TSPAN12: variants seen among roughly 807,000 people sequenced by gnomAD.
TSPAN12 encodes the protein tetraspanin-12.
TSPAN12 carries 19 observed loss-of-function variants against 39.2 expected under a neutral mutation model. That is an observed-to-expected ratio of 0.49 (90% CI 0.34 to 0.71). The LOEUF (loss-of-function observed/expected upper bound fraction) is 0.71, where lower values mean the gene tolerates loss of function less well. Ranked by LOEUF, TSPAN12 falls within the 30% of genes least tolerant of loss-of-function variation. The pLI, the probability that TSPAN12 is intolerant of heterozygous loss-of-function variation, is 0.01. For synonymous variants in TSPAN12, 119 were observed against 124.8 expected (o/e 0.95, Z 0.31); for missense variants, 314 against 359.9 (o/e 0.87, Z 1.03).
chr7:120,800,842 A>G (rs1411750302), intron 7 of TSPAN12, among the ~76,000 whole-genome samples: 1 of 138,388 alleles, frequency 7.2e-6, no homozygotes, highest in East Asian at 2.3e-4. Context: ...TTCACCGCCT[A>G]GGTTCACCTC....
chr7:120,789,301 T>C (rs1448477443), intron 7 of TSPAN12, among the ~76,000 whole-genome samples: 3 of 152,160 alleles, frequency 2.0e-5, no homozygotes, highest in African/African-American at 7.2e-5. Context: ...AAAGCAGCCA[T>C]AGATGGTAAG....
At chr7:120,794,699 A>G (rs75293827) in intron 7 of TSPAN12, among the ~76,000 whole-genome samples, 5,955 of 152,324 alleles carry the variant, frequency 0.039, 445 homozygotes, top group East Asian at 0.31. Flanking sequence ...GTCATGCTGA[A>G]TATCAGTGAA....
chr7:120,840,491 CA>C (rs201691776), intron 2 of TSPAN12, among the ~76,000 whole-genome samples: 2 of 23,844 alleles, frequency 8.4e-5, no homozygotes, highest in South Asian at 3.6e-3. Context: ...TAAATATTGT[CA>C]AAAAAAGTCA....
At chr7:120,802,969 A>T (rs1266114602) in intron 7 of TSPAN12, among the ~76,000 whole-genome samples, 1 of 152,226 alleles carries the variant, frequency 6.6e-6, no homozygotes, top group Admixed American at 6.5e-5. Context: ...AGACTACTGA[A>T]GAATGATTGC....
Position 120,799,914 on chromosome 7 carries a change from T to A in TSPAN12, c.612+6635A>T, listed in dbSNP as rs1474174463. Among the ~76,000 whole-genome samples the A allele has an allele frequency of 4.2e-5, 6 of 143,704 alleles. No individual in the cohort carries two copies. In the East Asian group the frequency reaches 9.9e-4, roughly 24 times the overall value. 94.3% of individuals were successfully genotyped at this position (143,704 alleles called of 152,430 possible). A position where few individuals can be genotyped will look rare whatever the true frequency, so the allele number is the denominator to read the frequency against. Reference sequence around the variant, plus strand: ...TAATAAATATTTAATATATTTATTATATTAAATATTTATTATAATAGAATG... The same window carrying A: ...TAATAAATATTTAATATATTTATTAAATTAAATATTTATTATAATAGAATG... On this transcript the variant is annotated intron_variant, in intron 7 of 7. Coordinates refer to ENST00000222747, the MANE Select transcript of TSPAN12 (RefSeq NM_012338.4).
At chr7:120,801,792 G>C (rs540548255) in intron 7 of TSPAN12, among the ~76,000 whole-genome samples, 32 of 152,242 alleles carry the variant, frequency 2.1e-4, no homozygotes, top group Non-Finnish European at 3.5e-4. Flanking sequence ...TCCTATCTGA[G>C]ACAGTAAGTG....
At position 120,810,330 on chromosome 7, in the gene TSPAN12, G is replaced by A. The variant is rs910753035; in HGVS notation, c.468+133C>T. Reference sequence around the variant, plus strand: ...CTAAGATATTTTTCAAGAAATAATTGCACCAGAGGTTACTGAATCACAGGC... The same window carrying A: ...CTAAGATATTTTTCAAGAAATAATTACACCAGAGGTTACTGAATCACAGGC... On this transcript the variant is annotated intron_variant, in intron 6 of 7. Transcript: ENST00000222747. 29 of 679,216 alleles carry A rather than the reference G, an allele frequency of 4.3e-5. No homozygotes were observed. The African/African-American group carries it at 4.7e-4, about 11-fold the overall frequency. 42.1% of individuals were successfully genotyped at this position (679,216 alleles called of 1,614,324 possible).
rs548768149 is a variant in TSPAN12, at chr7:120,800,653, G to A, written c.612+5896C>T. On this transcript the variant is annotated intron_variant, in intron 7 of 7. Coordinates refer to ENST00000222747, the MANE Select transcript of TSPAN12 (RefSeq NM_012338.4). ...ACTTGCCCGTGTTGTATTCTGAATT[G>A]AGCCTAATCTGTCTCCCCCACTGCA... Among the ~76,000 whole-genome samples, 374 of 151,664 alleles carry A rather than the reference G, an allele frequency of 2.5e-3. 2 individuals carry two copies. The highest frequency in any genetic ancestry group is 8.6e-3 in the African/African-American group (357 of 41,342).
chr7:120,810,397 T>C, intron 6 of TSPAN12, 66 bp downstream of exon 6: 1 of 1,026,454 alleles, frequency 9.7e-7, no homozygotes, highest in South Asian at 1.3e-5. Context: ...GCTAAAGCTT[T>C]AAACATCTGG....
intron 4 of TSPAN12, among the ~76,000 whole-genome samples, chr7:120,817,855 T>C (rs1398517605): frequency 1.3e-5 from 2 of 152,176 alleles, no homozygotes; most frequent in Non-Finnish European, 2.9e-5. Flanking sequence ...CCTCCTTCAC[T>C]GGACTGAAAG....
chr7:120,791,274 A>C (rs1793517285), intron 7 of TSPAN12, among the ~76,000 whole-genome samples: 1 of 152,020 alleles, frequency 6.6e-6, no homozygotes, highest in Admixed American at 6.5e-5. Context: ...GGTTGCAGTG[A>C]GCTGAGATCG....
intron 6 of TSPAN12, among the ~76,000 whole-genome samples, chr7:120,807,494 T>TGAG: frequency 1.3e-5 from 2 of 152,234 alleles, no homozygotes; most frequent in East Asian, 3.9e-4. Context: ...TTTCTGTCCT[T>TGAG]GAGTGGAGAA....
chr7:120,805,107 A>G (rs1025555776), intron 7 of TSPAN12, among the ~76,000 whole-genome samples: 5 of 151,910 alleles, frequency 3.3e-5, no homozygotes, highest in African/African-American at 1.2e-4. Flanking sequence ...CAATTTTTAA[A>G]CTCCTAAAAA....
Position 120,816,551 on chromosome 7 carries a change from G to A in TSPAN12, c.286-748C>T, listed in dbSNP as rs575927231. Among the ~76,000 whole-genome samples, 83 of 152,208 alleles carry A rather than the reference G, an allele frequency of 5.5e-4. 2 individuals carry two copies. The South Asian group carries it at 0.017, about 31-fold the overall frequency. ...TGTGCAGAGTCAGCTGCAAAGTCAA[G>A]CAAAGAATCGGGGAACAGGAAACAG... On this transcript the variant is annotated intron_variant, in intron 4 of 7. Coordinates refer to ENST00000222747, the MANE Select transcript of TSPAN12 (RefSeq NM_012338.4).
At chr7:120,851,238 C>G (rs1794763787) in intron 2 of TSPAN12, among the ~76,000 whole-genome samples, 1 of 152,202 alleles carries the variant, frequency 6.6e-6, no homozygotes, top group South Asian at 2.1e-4. Flanking sequence ...TTAAGGTTCA[C>G]TACGGATGGC....
At chr7:120,839,883 G>A in intron 3 of TSPAN12, 144 bp downstream of exon 3, 1 of 681,046 alleles carries the variant, frequency 1.5e-6, no homozygotes, top group Non-Finnish European at 2.7e-6. Context: ...AATTCTGGAG[G>A]ATGCAAGTGT....
intron 7 of TSPAN12, among the ~76,000 whole-genome samples, chr7:120,793,237 T>C (rs1477484623): frequency 1.3e-5 from 2 of 152,264 alleles, no homozygotes; most frequent in Non-Finnish European, 2.9e-5. Context: ...GAAAATGACA[T>C]TGATTTGTAA....
intron 4 of TSPAN12, among the ~76,000 whole-genome samples, chr7:120,822,909 C>T (rs1794214790): frequency 6.6e-6 from 1 of 152,110 alleles, no homozygotes; most frequent in African/African-American, 2.4e-5. Context: ...AGGTTCAAGA[C>T]TCAAATCAAA....
intron 2 of TSPAN12, among the ~76,000 whole-genome samples, chr7:120,851,403 T>C (rs1794766818): frequency 6.6e-6 from 1 of 152,224 alleles, no homozygotes; most frequent in Non-Finnish European, 1.5e-5. Flanking sequence ...CTATTGCTAT[T>C]ATCTTTAGTA....
Sources: allele counts gnomAD v4.1 joint callset (sites outside exome capture counted in the v4.1 genomes callset), GRCh38; gene constraint gnomAD v4.1.1; transcripts MANE v1.5; gene names NCBI Gene and HGNC (gene_info 2026-07-23, HGNC 2026-07-21).